Variants in FBXL7 observed in about 807,000 individuals in gnomAD.
FBXL7 encodes F-box and leucine rich repeat protein 7.
In FBXL7, 12 loss-of-function variants were observed where a neutral mutation model predicts 38.3. The observed-to-expected ratio is 0.31, with a 90% CI of 0.20 to 0.51. FBXL7 has a LOEUF of 0.51. FBXL7 is among the 20% of genes least tolerant of loss of function. The pLI, the probability that FBXL7 is intolerant of heterozygous loss-of-function variation, is 0.98. For synonymous variants in FBXL7, 297 were observed against 300.9 expected (o/e 0.99, Z 0.13); for missense variants, 567 against 676.4 (o/e 0.84, Z 1.79).
chr5:15,866,306 A>G (rs1739707260), intron 2 of FBXL7, among the ~76,000 whole-genome samples: 1 of 152,216 alleles, frequency 6.6e-6, no homozygotes, highest in Non-Finnish European at 1.5e-5. Context: ...CTGGACCAAG[A>G]TGTTTTCCTA....
chr5:15,636,116 A>G (rs1311342192), intron 2 of FBXL7, among the ~76,000 whole-genome samples: 1 of 148,878 alleles, frequency 6.7e-6, no homozygotes, highest in Non-Finnish European at 1.5e-5. Flanking sequence ...TTTTTTTTTA[A>G]TTTTCTCTTC....
At chr5:15,864,146 A>C (rs1739604025) in intron 2 of FBXL7, among the ~76,000 whole-genome samples, 1 of 151,854 alleles carries the variant, frequency 6.6e-6, no homozygotes, top group Non-Finnish European at 1.5e-5. Context: ...CATTTCTAGA[A>C]GCCCTGTCAT....
chr5:15,914,329 T>C (rs1167183858), intron 2 of FBXL7, among the ~76,000 whole-genome samples: 2 of 138,810 alleles, frequency 1.4e-5, no homozygotes, highest in African/African-American at 5.5e-5. Flanking sequence ...GAGCTTGCAG[T>C]GAGCCGAGAT....
intron 1 of FBXL7, among the ~76,000 whole-genome samples, chr5:15,529,483 T>C (rs1174483728): frequency 6.6e-6 from 1 of 152,114 alleles, no homozygotes; most frequent in Non-Finnish European, 1.5e-5. Flanking sequence ...CCCCCTGGGT[T>C]CACGGCATTC....
At chr5:15,579,454 A>T (rs1246990875) in intron 1 of FBXL7, among the ~76,000 whole-genome samples, 1 of 152,222 alleles carries the variant, frequency 6.6e-6, no homozygotes, top group African/African-American at 2.4e-5. Context: ...GAAAATCAGT[A>T]TGTCTGAGAT....
At chr5:15,575,713 T>C (rs1738936825) in intron 1 of FBXL7, among the ~76,000 whole-genome samples, 1 of 152,240 alleles carries the variant, frequency 6.6e-6, no homozygotes, top group South Asian at 2.1e-4. Context: ...CTTCAACTAT[T>C]TTCAAACTGG....
At chr5:15,726,621 G>A (rs1744365069) in intron 2 of FBXL7, among the ~76,000 whole-genome samples, 1 of 151,760 alleles carries the variant, frequency 6.6e-6, no homozygotes, top group African/African-American at 2.4e-5. Flanking sequence ...AACCCAGGAG[G>A]CAGGGGTTGC....
Position 15,680,967 on chromosome 5 carries a change from A to G in FBXL7, c.127+64895A>G, listed in dbSNP as rs866305081. On this transcript the variant is annotated intron_variant, in intron 2 of 3. Transcript: ENST00000504595. Reference sequence around the variant, plus strand: ...TGCCATTGATGAGCATGTAAATTACAAAATGATGACTATCTTTTTAGTATA... The same window carrying G: ...TGCCATTGATGAGCATGTAAATTACGAAATGATGACTATCTTTTTAGTATA... Among the ~76,000 whole-genome samples, 4 of 152,202 alleles carry G rather than the reference A, an allele frequency of 2.6e-5. No individual in the cohort carries two copies. In the South Asian group the frequency reaches 6.2e-4, roughly 24 times the overall value.
In FBXL7 at chr5:15,523,587, T is replaced by G. The variant is rs967165601; in HGVS notation, c.37+22874T>G. ...AAAAAAAAAAAATCACATAGTAGCT[T>G]GGAGGTGAGCAGTCCGGATTTCACG... is the stretch of plus-strand genomic sequence containing the variant. On this transcript the variant is annotated intron_variant, in intron 1 of 3. Coordinates refer to ENST00000504595, the MANE Select transcript of FBXL7 (RefSeq NM_012304.5). Among the ~76,000 whole-genome samples, 7 of 151,752 alleles carry G rather than the reference T, an allele frequency of 4.6e-5. No homozygotes were observed. The South Asian group carries it at 1.5e-3, about 32-fold the overall frequency.
chr5:15,829,808 T>G (rs1242408978), intron 2 of FBXL7, among the ~76,000 whole-genome samples: 1 of 152,210 alleles, frequency 6.6e-6, no homozygotes, highest in Non-Finnish European at 1.5e-5. Flanking sequence ...GCTTTTAATA[T>G]ATCACCATTT....
intron 1 of FBXL7, chr5:15,580,731 A>T: frequency 2.0e-6 from 2 of 985,404 alleles, no homozygotes; most frequent in Non-Finnish European, 2.4e-6. Flanking sequence ...GTGAGCCTGA[A>T]GATCTCACAA....
chr5:15,701,235 C>T (rs916521683), intron 2 of FBXL7, among the ~76,000 whole-genome samples: 4 of 152,088 alleles, frequency 2.6e-5, no homozygotes, highest in African/African-American at 9.7e-5. Flanking sequence ...CTTTCTGTGT[C>T]TCTGGGTCAA....
intron 2 of FBXL7, among the ~76,000 whole-genome samples, chr5:15,665,603 A>G (rs1034330570): frequency 1.3e-5 from 2 of 152,194 alleles, no homozygotes; most frequent in Admixed American, 6.5e-5. Flanking sequence ...ATCTAGATGC[A>G]GTTTTATGAA....
intron 1 of FBXL7, among the ~76,000 whole-genome samples, chr5:15,536,279 G>T (rs1267619451): frequency 6.6e-6 from 1 of 152,224 alleles, no homozygotes; most frequent in Non-Finnish European, 1.5e-5. Flanking sequence ...TCCCTCTGGG[G>T]TACTGTCTAA....
intron 2 of FBXL7, among the ~76,000 whole-genome samples, chr5:15,783,478 A>T (rs1286505193): frequency 6.6e-6 from 1 of 152,168 alleles, no homozygotes; most frequent in East Asian, 1.9e-4. Context: ...CATGAATGAG[A>T]TAACCAACAT....
At chr5:15,811,743 T>A (rs793425) in intron 2 of FBXL7, among the ~76,000 whole-genome samples, 82,251 of 151,764 alleles carry the variant, frequency 0.54, 23,322 homozygotes, top group Non-Finnish European at 0.64. Context: ...AAAAAGCTGA[T>A]CATCAGTGAT....
rs566449871 is a variant in FBXL7, at chr5:15,674,971, G to A, written c.127+58899G>A. ...GCAGACATGTCAGTGGTCAGTCTGT[G>A]TTATGTGAATGAACCTGATATCAAC... is the stretch of plus-strand genomic sequence containing the variant. On this transcript the variant is annotated intron_variant, in intron 2 of 3. Coordinates refer to ENST00000504595, the MANE Select transcript of FBXL7 (RefSeq NM_012304.5). Among the ~76,000 whole-genome samples the A allele has an allele frequency of 1.8e-4, 28 of 152,284 alleles. 1 individual carries two copies. Among genetic ancestry groups the A allele is most frequent in the African/African-American group, 6.3e-4 (26 of 41,560 alleles).
chr5:15,713,378 T>G (rs1743939864), intron 2 of FBXL7, among the ~76,000 whole-genome samples: 1 of 152,318 alleles, frequency 6.6e-6, no homozygotes, highest in Admixed American at 6.5e-5. Flanking sequence ...GGAGCTACAA[T>G]TCAAGATGAG....
chr5:15,766,348 G>A lies in FBXL7; in HGVS notation c.127+150276G>A, dbSNP rs144442385. Among the ~76,000 whole-genome samples the A allele has an allele frequency of 2.6e-5, 4 of 152,246 alleles. No homozygotes were observed. In the East Asian group the frequency reaches 7.7e-4, roughly 29 times the overall value. On this transcript the variant is annotated intron_variant, in intron 2 of 3. Transcript: ENST00000504595. ...CTTTGGTATCTCTGTCTTCCCACCT[G>A]CGCACTGAGAGACTTGAGAACTAGG...
Sources: gnomAD v4.1 joint callset for allele counts (sites outside exome capture counted in the v4.1 genomes callset) on GRCh38, gnomAD v4.1.1 for gene constraint, MANE v1.5 for transcripts, NCBI Gene and HGNC (gene_info 2026-07-23, HGNC 2026-07-21) for gene names.